The following PPP1R8 variants were observed in gnomAD, a reference collection of about 807,000 sequenced individuals.
PPP1R8 encodes nuclear inhibitor of protein phosphatase 1.
In PPP1R8, 4 loss-of-function variants were observed where a neutral mutation model predicts 31.3. The ratio of observed to expected loss-of-function variants is 0.13; its 90% confidence interval spans 0.06 to 0.29. The LOEUF (loss-of-function observed/expected upper bound fraction) is 0.29, where lower values mean the gene tolerates loss of function less well. Among genes scored for constraint, PPP1R8 ranks in the 10% least tolerant of loss-of-function variants. PPP1R8 has a pLI of 1.00. For missense variants in PPP1R8, 254 were observed against 440.1 expected (o/e 0.58, Z 3.78); for synonymous variants, 170 against 169.7 (o/e 1.00, Z -0.01).
chr1:27,841,311 G>A, intron 4 of PPP1R8, 77 bp downstream of exon 4: 1 of 1,475,556 alleles, frequency 6.8e-7, no homozygotes, highest in South Asian at 1.2e-5. Context: ...TATGTAGCTG[G>A]AAATGCCAGT....
intron 1 of PPP1R8, among the ~76,000 whole-genome samples, chr1:27,832,377 T>C (rs147223719): frequency 6.6e-6 from 1 of 152,284 alleles, no homozygotes; most frequent in Non-Finnish European, 1.5e-5. Flanking sequence ...GCAACTAATT[T>C]ATTCGGTCTT....
chr1:27,849,048 A>G (rs1326237192), intron 6 of PPP1R8, among the ~76,000 whole-genome samples: 1 of 152,090 alleles, frequency 6.6e-6, no homozygotes, highest in Non-Finnish European at 1.5e-5. Flanking sequence ...TTCACTGTAG[A>G]TTGGTTTTGC....
chr1:27,849,326 G>A (rs1263875061), intron 6 of PPP1R8, among the ~76,000 whole-genome samples: 4 of 145,306 alleles, frequency 2.8e-5, no homozygotes, highest in African/African-American at 5.1e-5. Flanking sequence ...AGCTGAGATC[G>A]AGCCATTACA....
chr1:27,843,942 G>C (rs1200345369), intron 5 of PPP1R8, among the ~76,000 whole-genome samples: 2 of 152,204 alleles, frequency 1.3e-5, no homozygotes, highest in African/African-American at 4.8e-5. Flanking sequence ...GACAGAGTGA[G>C]ACTGTCTCCA....
intron 6 of PPP1R8, among the ~76,000 whole-genome samples, chr1:27,848,376 G>A (rs578138579): frequency 1.3e-5 from 2 of 152,274 alleles, no homozygotes; most frequent in East Asian, 1.9e-4. Context: ...CTGCACTCCA[G>A]CCTGGTCGTC....
At chr1:27,841,274 C>T in intron 4 of PPP1R8, 40 bp downstream of exon 4, 1 of 1,605,946 alleles carries the variant, frequency 6.2e-7, no homozygotes, top group African/African-American at 1.3e-5. Context: ...CTTTGGGGAC[C>T]CTGGTTTTTG....
At position 27,839,743 on chromosome 1, in the gene PPP1R8, CTG is replaced by C. The variant is rs554591388; in HGVS notation, c.271+894_271+895del. Among the ~76,000 whole-genome samples, 228 of 152,092 alleles carry C rather than the reference CTG, an allele frequency of 1.5e-3. 1 individual carries two copies. Among genetic ancestry groups the C allele is most frequent in the Non-Finnish European group, 2.7e-3 (186 of 67,978 alleles). ...TTATCCCATCTCTGTTTTGCTTTGACTGTGAATAATACCAGTTTTAATTCCAT... is the reference window on the plus strand; with the variant it reads ...TTATCCCATCTCTGTTTTGCTTTGACTGAATAATACCAGTTTTAATTCCAT... On this transcript the variant is annotated intron_variant, in intron 3 of 6. Transcript: ENST00000311772.
intron 5 of PPP1R8, among the ~76,000 whole-genome samples, chr1:27,844,884 ATTTTTTT>A (rs765514573): frequency 4.1e-5 from 3 of 72,396 alleles, no homozygotes; most frequent in African/African-American, 2.0e-4. Context: ...TGCCCGACTA[ATTTTTTT>A]TTTTTTTTTT....
intron 3 of PPP1R8, among the ~76,000 whole-genome samples, chr1:27,839,933 C>T (rs12567283): frequency 0.045 from 6,767 of 151,952 alleles, 314 homozygotes; most frequent in East Asian, 0.25. Flanking sequence ...TTGTGGAGTG[C>T]GCTATGGTCT....
intron 6 of PPP1R8, among the ~76,000 whole-genome samples, chr1:27,847,905 T>TG (rs2089301320): frequency 6.6e-6 from 1 of 152,212 alleles, no homozygotes; most frequent in African/African-American, 2.4e-5. Flanking sequence ...ATGTAAATAA[T>TG]GTGCAATATG....
At chr1:27,838,067 C>T (rs546543925) in intron 2 of PPP1R8, among the ~76,000 whole-genome samples, 1 of 150,516 alleles carries the variant, frequency 6.6e-6, no homozygotes, top group Non-Finnish European at 1.5e-5. Flanking sequence ...AAAAATTAGC[C>T]GGGCATGGTG....
chr1:27,846,922 A>G lies in PPP1R8; in HGVS notation c.638-106A>G, dbSNP rs576699365. 2.2e-5 allele frequency: 21 copies of G among 966,658 alleles called. No individual in the cohort carries two copies. In the African/African-American group the frequency reaches 3.0e-4, roughly 14 times the overall value. The allele number at this position is 966,658 out of a possible 1,614,324, so 59.9% of individuals were successfully genotyped here. A position where few individuals can be genotyped will look rare whatever the true frequency, so the allele number is the denominator to read the frequency against. On this transcript the variant is annotated intron_variant, in intron 5 of 6. Transcript: ENST00000311772. ...ACCCAGGAAGCACTCTCTGTGTTTTACAATTTTAATATGAGTTGTTGTGAT... is the reference window on the plus strand; with the variant it reads ...ACCCAGGAAGCACTCTCTGTGTTTTGCAATTTTAATATGAGTTGTTGTGAT...
intron 1 of PPP1R8, chr1:27,831,175 GGCCCGAACTTAC>G: frequency 8.3e-7 from 1 of 1,205,664 alleles, no homozygotes; most frequent in Non-Finnish European, 1.0e-6. Context: ...TCGAGGCCTT[GGCCCGAACTTAC>G]GCCCAACTCT....
intron 6 of PPP1R8, 96 bp downstream of exon 6, chr1:27,847,188 A>G (rs1353844251): frequency 1.7e-6 from 2 of 1,188,064 alleles, no homozygotes; most frequent in Non-Finnish European, 2.5e-6. Flanking sequence ...GCACTTTGGG[A>G]GGCTGAGGCA....
chr1:27,847,393 G>C (rs2089295765), intron 6 of PPP1R8, among the ~76,000 whole-genome samples: 1 of 151,974 alleles, frequency 6.6e-6, no homozygotes, highest in Admixed American at 6.6e-5. Flanking sequence ...TGTAATCCCA[G>C]CTACTCAGGA....
Position 27,850,901 on chromosome 1 carries a change from T to A in PPP1R8, c.*455T>A, listed in dbSNP as rs551014329. 1 of 155,866 alleles carries A rather than the reference T, an allele frequency of 6.4e-6. No homozygotes were observed. Among genetic ancestry groups the A allele is most frequent in the African/African-American group, 2.4e-5 (1 of 41,596 alleles). The allele number at this position is 155,866 out of a possible 1,614,324, so 9.7% of individuals were successfully genotyped here. On this transcript the variant is annotated 3_prime_UTR_variant, in exon 7 of 7. Transcript: ENST00000311772. ...AGGGTTGCCATAGATCTCAGTTTGA[T>A]CAAAAAGAAGGCTTAGAATTCTGCA...
chr1:27,848,881 A>G (rs2089311462), intron 6 of PPP1R8, among the ~76,000 whole-genome samples: 1 of 152,114 alleles, frequency 6.6e-6, no homozygotes, highest in African/African-American at 2.4e-5. Flanking sequence ...TAATTTACAT[A>G]TAATAAAATC....
chr1:27,841,470 TCTC>T (rs1444638205), intron 4 of PPP1R8, among the ~76,000 whole-genome samples: 2 of 152,174 alleles, frequency 1.3e-5, no homozygotes, highest in Non-Finnish European at 2.9e-5. Context: ...CAGCCACTAG[TCTC>T]CTTGAGCTGT....
intron 2 of PPP1R8, among the ~76,000 whole-genome samples, chr1:27,834,807 C>T (rs2089146789): frequency 6.6e-6 from 1 of 152,152 alleles, no homozygotes; most frequent in East Asian, 1.9e-4. Context: ...CACCTGAGGT[C>T]AGGAGTTCAA....
Sources: gnomAD v4.1 joint callset for allele counts (sites outside exome capture counted in the v4.1 genomes callset) on GRCh38, gnomAD v4.1.1 for gene constraint, MANE v1.5 for transcripts, NCBI Gene and HGNC (gene_info 2026-07-23, HGNC 2026-07-21) for gene names.